Variants in ERVV-2 observed in about 807,000 individuals in gnomAD.
ERVV-2 encodes endogenous retrovirus group V member 2, envelope.
For synonymous variants in ERVV-2, 105 were observed against 184.6 expected, an observed-to-expected ratio of 0.57 and a Z score of 3.49; for missense variants, 291 against 495.1, an observed-to-expected ratio of 0.59 and a Z score of 3.91.
intron 1 of ERVV-2, among the ~76,000 whole-genome samples, chr19:53,047,346 C>T (rs1010453459): frequency 3.3e-5 from 5 of 151,644 alleles, no homozygotes; most frequent in African/African-American, 1.2e-4. Flanking sequence ...GAAACTGTCT[C>T]AAAAAAAAGG....
rs182160235 is a variant in ERVV-2, at chr19:53,051,297, C to A, written c.*438C>A. On this transcript the variant is annotated 3_prime_UTR_variant, in exon 2 of 2. Transcript: ENST00000601417. Reference sequence around the variant, plus strand: ...CAGTAGCTGGGACTACAGGCATGTGCCGCCATGCCCGGCTAATTTTGTATT... The same window carrying A: ...CAGTAGCTGGGACTACAGGCATGTGACGCCATGCCCGGCTAATTTTGTATT... Among the ~76,000 whole-genome samples the A allele has an allele frequency of 2.0e-5, 3 of 152,110 alleles. No homozygotes were observed. In the East Asian group the frequency reaches 5.8e-4, roughly 29 times the overall value.
chr19:53,050,394 C>G lies in ERVV-2; in HGVS notation c.1143C>G (p.Val381=). The G allele has an allele frequency of 1.3e-6, 1 of 762,644 alleles. No homozygotes were observed. Among genetic ancestry groups the G allele is most frequent in the Non-Finnish European group, 2.3e-6 (1 of 439,648 alleles). The allele number at this position is 762,644 out of a possible 1,614,324, so 47.2% of individuals were successfully genotyped here. The change falls in exon 2 of 2, where the codon GTC becomes GTG. Residue 381 remains valine, a synonymous_variant. Transcript: ENST00000601417. ...CCATAGATTCTCTAGCAAATGTAGT[C>G]ATGGACAACAGATTGGCCTTAGATT... is the stretch of plus-strand genomic sequence containing the variant. The part of the protein sequence containing the change: ...KASIDSLANV[V]MDNRLALDYL...
chr19:53,045,838 G>A (rs907991553), intron 1 of ERVV-2, among the ~76,000 whole-genome samples: 6 of 152,132 alleles, frequency 3.9e-5, no homozygotes, highest in East Asian at 1.9e-4. Context: ...TCACTCAGGC[G>A]CCAGAGTCCT....
rs981176403 is a variant in ERVV-2 at position 53,048,567 on chromosome 19, C to T, written c.-385-300C>T. On this transcript the variant is annotated intron_variant, in intron 1 of 1. Transcript: ENST00000601417. ...GTACATGCCTGTAATCCCAGCTACTCGGGAGGCTTAGGCAGGTGAATCACT... is the reference window on the plus strand; with the variant it reads ...GTACATGCCTGTAATCCCAGCTACTTGGGAGGCTTAGGCAGGTGAATCACT... 2.1e-5 allele frequency among the ~76,000 whole-genome samples: 3 copies of T among 146,174 alleles called. No individual in the cohort carries two copies. The Admixed American group carries it at 2.1e-4, about 10-fold the overall frequency.
At chr19:53,048,189 T>C (rs964142672) in intron 1 of ERVV-2, among the ~76,000 whole-genome samples, 4 of 151,988 alleles carry the variant, frequency 2.6e-5, no homozygotes, top group Non-Finnish European at 5.9e-5. Context: ...CTGGCCAACA[T>C]GGTGAAACCC....
rs1219010617 is a variant in ERVV-2, at chr19:53,049,946, G to A, written c.695G>A (p.Trp232Ter). Residue 232 changes from tryptophan to a stop codon, truncating the protein, a stop_gained, in exon 2 of 2, where the codon TGG becomes TAG. Transcript: ENST00000601417. LOFTEE classifies it low-confidence loss of function (END_TRUNC). Reference protein sequence around the residue: ...PACNQTIPAGWKSQLHKWFDS... With the variant: ...PACNQTIPAG ...TGCAATCAAACTATTCCAGCAGGGT[G>A]GAAATCGCAGTTACACAAGTGGTTC... The A allele has an allele frequency of 6.6e-7, 1 of 1,521,400 alleles. No individual in the cohort carries two copies. 94.2% of individuals were successfully genotyped at this position (1,521,400 alleles called of 1,614,324 possible).
At position 53,051,377 on chromosome 19, in the gene ERVV-2, T is replaced by C. The variant is rs1650981; in HGVS notation, c.*518T>C. On this transcript the variant is annotated 3_prime_UTR_variant, in exon 2 of 2. Transcript: ENST00000601417. ...GTCAGGCTAGTCTCAAACTCCTGAC[T>C]TCAGGTGATTCGCTCGCCTCGGCCT... Among the ~76,000 whole-genome samples the C allele has an allele frequency of 0.91, 138,226 of 151,924 alleles. 63,222 individuals carry two copies. Among genetic ancestry groups the C allele is most frequent in the Admixed American group, 0.94 (14,332 of 15,236 alleles).
In ERVV-2 at chr19:53,050,212, G is replaced by A; in HGVS notation, c.961G>A (p.Ala321Thr). The A allele has an allele frequency of 1.8e-6, 2 of 1,141,906 alleles. No homozygotes were observed. The highest frequency in any genetic ancestry group is 2.5e-6 in the Non-Finnish European group (2 of 796,030). 70.7% of individuals were successfully genotyped at this position (1,141,906 alleles called of 1,614,324 possible). A position where few individuals can be genotyped will look rare whatever the true frequency, so the allele number is the denominator to read the frequency against. The part of the protein sequence containing the change: ...YNTTQPRQKR[A>T]LGLILAGMGA... Reference sequence around the variant, plus strand: ...CACCACCCAACCCAGACAGAAAAGAGCTCTGGGTCTAATACTGGCAGGGAT... The same window carrying A: ...CACCACCCAACCCAGACAGAAAAGAACTCTGGGTCTAATACTGGCAGGGAT... Residue 321 changes from alanine to threonine, a missense_variant, in exon 2 of 2, where the codon GCT becomes ACT. Physicochemically the swap from Ala to Thr is moderately conservative, Grantham distance 58. Transcript: ENST00000601417.
rs2083900868 is a variant in ERVV-2, at chr19:53,048,890, A to G, written c.-362A>G. 2 of 416,386 alleles carry G rather than the reference A, an allele frequency of 4.8e-6. No homozygotes were observed. Among genetic ancestry groups the G allele is most frequent in the South Asian group, 5.0e-5 (2 of 40,090 alleles). 25.8% of individuals were successfully genotyped at this position (416,386 alleles called of 1,614,324 possible). On this transcript the variant is annotated 5_prime_UTR_variant, in exon 2 of 2. Transcript: ENST00000601417. ...AGCTATCAACATTTCTGGCATCTCCAGTTGGATACATCAGTCTCAAGTGAA... is the reference window on the plus strand; with the variant it reads ...AGCTATCAACATTTCTGGCATCTCCGGTTGGATACATCAGTCTCAAGTGAA...
intron 1 of ERVV-2, among the ~76,000 whole-genome samples, chr19:53,047,274 G>C (rs1023932181): frequency 6.6e-6 from 1 of 152,146 alleles, no homozygotes; most frequent in Non-Finnish European, 1.5e-5. Flanking sequence ...CTTGAACCCA[G>C]GAGGCGGAGG....
Position 53,050,708 on chromosome 19 carries a change from C to T in ERVV-2, c.1457C>T (p.Ser486Phe). The change falls in exon 2 of 2, where the codon TCT (serine) becomes TTT (phenylalanine). Residue 486 changes from serine to phenylalanine, a missense_variant. By Grantham distance (155) the Ser-to-Phe change is radical. Coordinates refer to ENST00000601417, the MANE Select transcript of ERVV-2 (RefSeq NM_001191055.2). ...TTTAATTTACTGATTAAGTGTGTCT[C>T]TTCTAGGATAAAGCAATTTCACATG... ...CFFNLLIKCV[S>F]SRIKQFHMKS... The T allele has an allele frequency of 6.5e-7, 1 of 1,534,782 alleles. No individual in the cohort carries two copies. Among genetic ancestry groups the T allele is most frequent in the Admixed American group, 2.0e-5 (1 of 50,986 alleles).
At chr19:53,047,856 G>C (rs1418596884) in intron 1 of ERVV-2, among the ~76,000 whole-genome samples, 1 of 152,166 alleles carries the variant, frequency 6.6e-6, no homozygotes, top group Non-Finnish European at 1.5e-5. Context: ...TAAAACAAGA[G>C]ACTGATTTTC....
At chr19:53,048,845 G>A (rs1010785447) in intron 1 of ERVV-2, 22 bp from the exon 2 acceptor site, 30 of 347,414 alleles carry the variant, frequency 8.6e-5, no homozygotes, top group African/African-American at 5.6e-4. Context: ...CCCCTTTACT[G>A]TCTTACTTTC....
Position 53,050,599 on chromosome 19 carries a change from GC to G in ERVV-2, c.1351del (p.Leu451SerfsTer31). The stretch of plus-strand genomic sequence containing the variant: ...GGCCATCTGGGAGGCTGTGAAGTCT[GC>G]CCTCCCCTCCCTCAACTGGTTTGTC... ...ARAIWEAVKS[A>X]LPSLNWFVPL... On this transcript the variant is annotated frameshift_variant, in exon 2 of 2. Transcript: ENST00000601417. LOFTEE classifies it low-confidence loss of function (END_TRUNC). 9.5e-7 allele frequency: 1 copy of G among 1,053,414 alleles called. No homozygotes were observed. Among genetic ancestry groups the G allele is most frequent in the Non-Finnish European group, 1.4e-6 (1 of 706,236 alleles). 65.3% of individuals were successfully genotyped at this position (1,053,414 alleles called of 1,614,324 possible). A position where few individuals can be genotyped will look rare whatever the true frequency, so the allele number is the denominator to read the frequency against.
Position 53,050,394 on chromosome 19 carries a change from C to T in ERVV-2, c.1143C>T (p.Val381=), listed in dbSNP as rs2083907487. 1 of 762,524 alleles carries T rather than the reference C, an allele frequency of 1.3e-6. No homozygotes were observed. Among genetic ancestry groups the T allele is most frequent in the Admixed American group, 2.0e-5 (1 of 50,034 alleles). The allele number at this position is 762,524 out of a possible 1,614,324, so 47.2% of individuals were successfully genotyped here. Residue 381 remains valine, a synonymous_variant, in exon 2 of 2, where the codon GTC becomes GTT. Coordinates refer to ENST00000601417, the MANE Select transcript of ERVV-2 (RefSeq NM_001191055.2). ...KASIDSLANV[V]MDNRLALDYL... ...CCATAGATTCTCTAGCAAATGTAGT[C>T]ATGGACAACAGATTGGCCTTAGATT... is the stretch of plus-strand genomic sequence containing the variant.
intron 1 of ERVV-2, among the ~76,000 whole-genome samples, chr19:53,046,250 G>A (rs1254695227): frequency 1.3e-5 from 2 of 151,502 alleles, no homozygotes; most frequent in African/African-American, 2.4e-5. Context: ...CAACAAGAGC[G>A]AAACTCTGTC....
In ERVV-2 at chr19:53,049,161, A is replaced by T. The variant is rs1016733969; in HGVS notation, c.-91A>T. On this transcript the variant is annotated 5_prime_UTR_variant, in exon 2 of 2. Coordinates refer to ENST00000601417, the MANE Select transcript of ERVV-2 (RefSeq NM_001191055.2). Reference sequence around the variant, plus strand: ...AGTCCCGATAACAGCCTGATTTCTCACTAAACACTCCATCGAACCACTTCA... The same window carrying T: ...AGTCCCGATAACAGCCTGATTTCTCTCTAAACACTCCATCGAACCACTTCA... The T allele has an allele frequency of 1.4e-5, 16 of 1,133,706 alleles. 4 individuals carry two copies. Among genetic ancestry groups the T allele is most frequent in the Admixed American group, 2.4e-5 (1 of 41,844 alleles). The allele number at this position is 1,133,706 out of a possible 1,614,324, so 70.2% of individuals were successfully genotyped here. A position where few individuals can be genotyped will look rare whatever the true frequency, so the allele number is the denominator to read the frequency against.
At position 53,049,121 on chromosome 19, in the gene ERVV-2, T is replaced by C; in HGVS notation, c.-131T>C. The C allele has an allele frequency of 1.1e-6, 1 of 876,814 alleles. No homozygotes were observed. The highest frequency in any genetic ancestry group is 1.7e-5 in the South Asian group (1 of 58,358). 54.3% of individuals were successfully genotyped at this position (876,814 alleles called of 1,614,324 possible). A position where few individuals can be genotyped will look rare whatever the true frequency, so the allele number is the denominator to read the frequency against. Reference sequence around the variant, plus strand: ...GTTCTTCTCCTTATTTTGACCCAACTGGCATGCCACCTGAAGTCCCGATAA... The same window carrying C: ...GTTCTTCTCCTTATTTTGACCCAACCGGCATGCCACCTGAAGTCCCGATAA... On this transcript the variant is annotated 5_prime_UTR_variant, in exon 2 of 2. Transcript: ENST00000601417.
chr19:53,048,838 C>T (rs2083900625), intron 1 of ERVV-2, 29 bp from the exon 2 acceptor site: 2 of 332,018 alleles, frequency 6.0e-6, no homozygotes, highest in Non-Finnish European at 1.1e-5. Context: ...GGAAAGACCC[C>T]TTTACTGTCT....
Sources: gnomAD v4.1 joint callset for allele counts (sites outside exome capture counted in the v4.1 genomes callset) on GRCh38, gnomAD v4.1.1 for gene constraint, MANE v1.5 for transcripts, NCBI Gene and HGNC (gene_info 2026-07-23, HGNC 2026-07-21) for gene names.